NTM: variants seen among roughly 807,000 people sequenced by gnomAD.
The protein encoded by NTM is neurotrimin, also known as IgLON family member 2.
NTM carries 13 observed loss-of-function variants against 42.1 expected under a neutral mutation model. That is an observed-to-expected ratio of 0.31 (90% CI 0.20 to 0.49). NTM has a LOEUF of 0.49. NTM is among the 20% of genes least tolerant of loss of function. The probability of loss-of-function intolerance (pLI) is 0.99; values close to 1 mark genes in which losing one functional copy is unlikely to be tolerated. For synonymous variants in NTM, 187 were observed against 179.2 expected, an observed-to-expected ratio of 1.04 and a Z score of -0.35; for missense variants, 373 against 452.8, an observed-to-expected ratio of 0.82 and a Z score of 1.60.
At chr11:131,953,688 A>T (rs547263322) in intron 2 of NTM, among the ~76,000 whole-genome samples, 26 of 152,212 alleles carry the variant, frequency 1.7e-4, no homozygotes, top group Admixed American at 2.6e-4. Context: ...ATACAAAATG[A>T]TCACAGGCAC....
intron 2 of NTM, among the ~76,000 whole-genome samples, chr11:132,086,467 A>G (rs148494255): frequency 6.6e-6 from 1 of 152,284 alleles, no homozygotes; most frequent in East Asian, 1.9e-4. Context: ...TAACTTGGAT[A>G]CCCCCTTTTA....
At chr11:132,183,481 A>C (rs2077895398) in intron 3 of NTM, among the ~76,000 whole-genome samples, 2 of 152,092 alleles carry the variant, frequency 1.3e-5, no homozygotes, top group South Asian at 4.1e-4. Context: ...CATAAACTCT[A>C]AATTAGCAGG....
chr11:132,301,621 G>C (rs1370028725), intron 4 of NTM, among the ~76,000 whole-genome samples: 1 of 152,152 alleles, frequency 6.6e-6, no homozygotes, highest in African/African-American at 2.4e-5. Flanking sequence ...ATGGCACTGG[G>C]GGAATACAAC....
At chr11:131,645,939 G>A (rs897667609) in intron 1 of NTM, among the ~76,000 whole-genome samples, 4 of 152,186 alleles carry the variant, frequency 2.6e-5, no homozygotes, top group Admixed American at 2.0e-4. Context: ...AAGGCTTTGC[G>A]TCTAACCAAG....
chr11:131,858,041 G>A lies in NTM; in HGVS notation c.83-53523G>A, dbSNP rs142168596. ...CTCCATCTCTTCCAGCCTCCGCCCCGCCCATGCCTCACCCTTCCTTTCCAG... is the reference window on the plus strand; with the variant it reads ...CTCCATCTCTTCCAGCCTCCGCCCCACCCATGCCTCACCCTTCCTTTCCAG... On this transcript the variant is annotated intron_variant, in intron 1 of 8. Transcript: ENST00000683400. 6.0e-3 allele frequency among the ~76,000 whole-genome samples: 862 copies of A among 142,746 alleles called. 10 individuals carry two copies. Among genetic ancestry groups the A allele is most frequent in the African/African-American group, 0.022 (814 of 37,788 alleles). 93.6% of individuals were successfully genotyped at this position (142,746 alleles called of 152,430 possible). A position where few individuals can be genotyped will look rare whatever the true frequency, so the allele number is the denominator to read the frequency against.
At chr11:132,047,714 G>A (rs371452323) in intron 2 of NTM, among the ~76,000 whole-genome samples, 10 of 152,310 alleles carry the variant, frequency 6.6e-5, no homozygotes, top group African/African-American at 2.2e-4. Context: ...CCCTCCACAG[G>A]CCTCCTTCCT....
At chr11:131,742,936 C>T (rs2081364101) in intron 1 of NTM, among the ~76,000 whole-genome samples, 1 of 152,180 alleles carries the variant, frequency 6.6e-6, no homozygotes, top group South Asian at 2.1e-4. Flanking sequence ...AGGGGGGCCT[C>T]TTAAGGTTGA....
At chr11:131,983,591 G>A (rs983935740) in intron 2 of NTM, among the ~76,000 whole-genome samples, 2 of 152,046 alleles carry the variant, frequency 1.3e-5, no homozygotes, top group Admixed American at 6.6e-5. Flanking sequence ...GGCTGGGCTA[G>A]TCTTGAACTC....
In NTM at chr11:132,073,555, A is replaced by C. The variant is rs2057981289; in HGVS notation, c.168-72727A>C. 2.0e-5 allele frequency among the ~76,000 whole-genome samples: 3 copies of C among 152,166 alleles called. No individual in the cohort carries two copies. In the South Asian group the frequency reaches 6.2e-4, roughly 32 times the overall value. The stretch of plus-strand genomic sequence containing the variant: ...TCACTGAGGAATATAGGGCCAGTTA[A>C]ATAGCATAGAAAGAGGTTCAGAGTG... On this transcript the variant is annotated intron_variant, in intron 2 of 8. Transcript: ENST00000683400.
At chr11:132,204,323 A>G (rs534769197) in intron 3 of NTM, among the ~76,000 whole-genome samples, 1 of 152,252 alleles carries the variant, frequency 6.6e-6, no homozygotes. Context: ...TTGCATTTGC[A>G]TACAGCCTTG....
chr11:131,542,255 C>T (rs1050839560), intron 1 of NTM, among the ~76,000 whole-genome samples: 3 of 152,168 alleles, frequency 2.0e-5, no homozygotes, highest in Admixed American at 6.5e-5. Flanking sequence ...TTGAGATGAG[C>T]CTTGAAGCTG....
chr11:132,258,135 G>C (rs1027661740), intron 4 of NTM, among the ~76,000 whole-genome samples: 1 of 152,208 alleles, frequency 6.6e-6, no homozygotes, highest in African/African-American at 2.4e-5. Flanking sequence ...TCTCTAATTA[G>C]AACCCAGGCT....
chr11:131,892,604 T>C (rs2137530609), intron 1 of NTM, among the ~76,000 whole-genome samples: 1 of 152,338 alleles, frequency 6.6e-6, no homozygotes, highest in South Asian at 2.1e-4. Flanking sequence ...ATTGTCGGCA[T>C]GGTGCGGGAT....
At chr11:131,398,103 T>C (rs998881764) in intron 1 of NTM, among the ~76,000 whole-genome samples, 5 of 152,184 alleles carry the variant, frequency 3.3e-5, no homozygotes, top group Non-Finnish European at 7.3e-5. Context: ...TATTAGTGGA[T>C]TTGTGTTAGT....
At chr11:131,626,044 T>G (rs1335889285) in intron 1 of NTM, among the ~76,000 whole-genome samples, 2 of 152,152 alleles carry the variant, frequency 1.3e-5, no homozygotes, top group Admixed American at 6.5e-5. Flanking sequence ...AGGCTTTTTT[T>G]TGTGAATATA....
At chr11:131,510,794 C>T (rs1463432638) in intron 1 of NTM, among the ~76,000 whole-genome samples, 1 of 152,170 alleles carries the variant, frequency 6.6e-6, no homozygotes, top group Non-Finnish European at 1.5e-5. Context: ...CAGTTGGAGT[C>T]CACCGGGTCT....
At chr11:132,112,798 T>C (rs371506623) in intron 2 of NTM, among the ~76,000 whole-genome samples, 5 of 152,004 alleles carry the variant, frequency 3.3e-5, no homozygotes, top group African/African-American at 9.6e-5. Context: ...GAGAGGCTGC[T>C]GATCAAATGC....
chr11:131,930,806 A>C (rs1219434207), intron 2 of NTM, among the ~76,000 whole-genome samples: 3 of 152,218 alleles, frequency 2.0e-5, no homozygotes, highest in African/African-American at 7.2e-5. Context: ...ATTCTCCTTC[A>C]AATGTTTTTC....
intron 1 of NTM, among the ~76,000 whole-genome samples, chr11:131,849,237 A>G (rs918219844): frequency 2.0e-5 from 3 of 152,216 alleles, no homozygotes; most frequent in African/African-American, 7.2e-5. Context: ...TGGGTCAAGT[A>G]GAACTATATT....
Sources: gnomAD v4.1 joint callset for allele counts (sites outside exome capture counted in the v4.1 genomes callset) on GRCh38, gnomAD v4.1.1 for gene constraint, MANE v1.5 for transcripts, NCBI Gene and HGNC (gene_info 2026-07-23, HGNC 2026-07-21) for gene names.